The following MYO10 variants were observed in gnomAD, a reference collection of about 807,000 sequenced individuals.
MYO10 encodes the protein unconventional myosin-X.
In MYO10, 133 loss-of-function variants were observed where a neutral mutation model predicts 257.3. That is an observed-to-expected ratio of 0.52 (90% CI 0.45 to 0.60). The LOEUF (loss-of-function observed/expected upper bound fraction) is 0.60. Ranked by LOEUF, MYO10 falls within the 20% of genes least tolerant of loss-of-function variation. The pLI is 0.00. For missense variants in MYO10, 2,399 were observed against 2,635.7 expected (o/e 0.91, Z 1.97); for synonymous variants, 1,104 against 1,028.6 (o/e 1.07, Z -1.40).
rs553296084 is a variant in MYO10 at position 16,680,685 on chromosome 5, G to A, written c.4385-581C>T. 1.4e-4 allele frequency among the ~76,000 whole-genome samples: 22 copies of A among 152,286 alleles called. No homozygotes were observed. In the South Asian group the frequency reaches 4.1e-3, roughly 29 times the overall value. On this transcript the variant is annotated intron_variant, in intron 32 of 40. Transcript: ENST00000513610. ...TTTCATAATACTACAAAAATTACAA[G>A]AAACCCTCTAAGTTACCTGTGTACT...
rs562311347 is a variant in MYO10 at position 16,797,673 on chromosome 5, A to ATGAGC, written c.280-2845_280-2841dup. Among the ~76,000 whole-genome samples, 21 of 152,324 alleles carry ATGAGC rather than the reference A, an allele frequency of 1.4e-4. No homozygotes were observed. The East Asian group carries it at 4.1e-3, about 29-fold the overall frequency. On this transcript the variant is annotated intron_variant, in intron 3 of 40. Coordinates refer to ENST00000513610, the MANE Select transcript of MYO10 (RefSeq NM_012334.3). ...AGTGCTGATCCATGCTACAATGTGA[A>ATGAGC]TGAGCCTTGGAGACATATTAAGCCA...
intron 17 of MYO10, among the ~76,000 whole-genome samples, chr5:16,759,004 C>T (rs1002593935): frequency 6.6e-6 from 1 of 152,024 alleles, no homozygotes; most frequent in African/African-American, 2.4e-5. Flanking sequence ...TCACTGCAAC[C>T]TCTGCCTCCC....
At position 16,731,987 on chromosome 5, in the gene MYO10, G is replaced by C. The variant is rs116348447; in HGVS notation, c.1930-20742C>G. 3.2e-3 allele frequency among the ~76,000 whole-genome samples: 488 copies of C among 152,308 alleles called. 3 individuals are homozygous for C. Among genetic ancestry groups the C allele is most frequent in the African/African-American group, 0.011 (461 of 41,560 alleles). ...AGAAAATGAGGAAATTCTGAAGGGG[G>C]TTCATGGAGATACCAAGAGCAAGGA... On this transcript the variant is annotated intron_variant, in intron 19 of 40. Coordinates refer to ENST00000513610, the MANE Select transcript of MYO10 (RefSeq NM_012334.3).
intron 2 of MYO10, among the ~76,000 whole-genome samples, chr5:16,819,766 T>C (rs1044963377): frequency 1.3e-5 from 2 of 152,200 alleles, no homozygotes; most frequent in African/African-American, 4.8e-5. Flanking sequence ...CACTAAGAAA[T>C]GCAAAAGTAC....
chr5:16,838,033 CA>C (rs1349391196), intron 2 of MYO10, among the ~76,000 whole-genome samples: 2 of 152,174 alleles, frequency 1.3e-5, no homozygotes, highest in Non-Finnish European at 2.9e-5. Flanking sequence ...CTCCACCGAC[CA>C]GCTGTTCCCT....
intron 2 of MYO10, among the ~76,000 whole-genome samples, chr5:16,834,434 C>A (rs77588434): frequency 5.8e-4 from 89 of 152,202 alleles, no homozygotes; most frequent in Admixed American, 2.4e-3. Flanking sequence ...GTGCTGAGGA[C>A]CCCCTCTCAC....
At chr5:16,765,624 C>A (rs1179459388) in intron 11 of MYO10, among the ~76,000 whole-genome samples, 1 of 152,150 alleles carries the variant, frequency 6.6e-6, no homozygotes, top group African/African-American at 2.4e-5. Context: ...TATAACAACA[C>A]ATTATTGTCG....
chr5:16,863,893 T>C (rs1344865128), intron 2 of MYO10, among the ~76,000 whole-genome samples: 1 of 152,124 alleles, frequency 6.6e-6, no homozygotes, highest in Non-Finnish European at 1.5e-5. Context: ...AGCTCAGGAG[T>C]TCGTGACCAG....
intron 40 of MYO10, 95 bp from the exon 41 acceptor site, chr5:16,666,888 C>G: frequency 2.0e-6 from 2 of 981,846 alleles, no homozygotes. Context: ...GGCACCCTCC[C>G]GTAGCCTTCC....
rs1740964422 is a variant in MYO10, at chr5:16,768,942, C to T, written c.1060+132G>A. On this transcript the variant is annotated intron_variant, in intron 10 of 40. Coordinates refer to ENST00000513610, the MANE Select transcript of MYO10 (RefSeq NM_012334.3). The stretch of plus-strand genomic sequence containing the variant: ...CTGCCCGCCTCCACCTCCCAAAGTG[C>T]TGGGGTTACAGGCAAGAGCCACCGC... The T allele has an allele frequency of 1.1e-5, 13 of 1,158,710 alleles. No homozygotes were observed. In the South Asian group the frequency reaches 2.3e-4, roughly 20 times the overall value. 71.8% of individuals were successfully genotyped at this position (1,158,710 alleles called of 1,614,324 possible).
intron 3 of MYO10, among the ~76,000 whole-genome samples, chr5:16,811,387 T>C (rs1421596549): frequency 6.6e-6 from 1 of 152,142 alleles, no homozygotes; most frequent in East Asian, 1.9e-4. Flanking sequence ...GCTTCTAACC[T>C]CAGGCTGCCC....
At chr5:16,728,892 T>C (rs1461618130) in intron 19 of MYO10, among the ~76,000 whole-genome samples, 3 of 152,262 alleles carry the variant, frequency 2.0e-5, no homozygotes. Flanking sequence ...CGATCTGATG[T>C]GGCTGCATCG....
At chr5:16,906,857 A>C (rs1362184462) in intron 1 of MYO10, among the ~76,000 whole-genome samples, 1 of 152,160 alleles carries the variant, frequency 6.6e-6, no homozygotes, top group African/African-American at 2.4e-5. Context: ...CACGCCTGTA[A>C]TCCGAGCACT....
chr5:16,752,747 A>G (rs530116540), intron 19 of MYO10, among the ~76,000 whole-genome samples: 1 of 152,348 alleles, frequency 6.6e-6, no homozygotes, highest in South Asian at 2.1e-4. Flanking sequence ...TGTCTGGTAA[A>G]TACTGCCCAC....
intron 3 of MYO10, among the ~76,000 whole-genome samples, chr5:16,801,931 C>T (rs895929434): frequency 3.3e-5 from 5 of 152,142 alleles, no homozygotes; most frequent in Non-Finnish European, 5.9e-5. Flanking sequence ...ATCCATACAA[C>T]GGAATTATTC....
chr5:16,902,770 G>A (rs530778465), intron 1 of MYO10: 24 of 640,546 alleles, frequency 3.7e-5, no homozygotes, highest in African/African-American at 1.6e-4. Context: ...CCAAAGTGCC[G>A]GGATTACAGG....
At chr5:16,714,086 G>C (rs1019259350) in intron 19 of MYO10, among the ~76,000 whole-genome samples, 3 of 152,186 alleles carry the variant, frequency 2.0e-5, no homozygotes. Flanking sequence ...AAAGGTGGAA[G>C]CTGTGTTTTG....
At chr5:16,788,342 TG>T (rs1264694486) in intron 4 of MYO10, among the ~76,000 whole-genome samples, 1 of 152,066 alleles carries the variant, frequency 6.6e-6, no homozygotes, top group Non-Finnish European at 1.5e-5. Context: ...ATTCAGGAAT[TG>T]GTACCACCAG....
intron 9 of MYO10, among the ~76,000 whole-genome samples, chr5:16,769,919 G>A (rs1406607396): frequency 2.0e-5 from 3 of 151,896 alleles, no homozygotes. Flanking sequence ...GAGAGGGGGT[G>A]TATTTTTGTT....
Sources: gnomAD v4.1 joint callset for allele counts (sites outside exome capture counted in the v4.1 genomes callset) on GRCh38, gnomAD v4.1.1 for gene constraint, MANE v1.5 for transcripts, NCBI Gene and HGNC (gene_info 2026-07-23, HGNC 2026-07-21) for gene names.